C16orf78: variants seen among roughly 807,000 people sequenced by gnomAD.
C16orf78 encodes the protein uncharacterized protein C16orf78.
A neutral mutation model predicts 27.3 loss-of-function variants in C16orf78; 19 were observed. That is an observed-to-expected ratio of 0.70 (90% CI 0.49 to 1.02). C16orf78 has a LOEUF of 1.02. Ranked by LOEUF, C16orf78 falls within the 50% of genes least tolerant of loss-of-function variation. C16orf78 has a pLI of 0.00. For synonymous variants in C16orf78, 130 were observed against 116.1 expected (o/e 1.12, Z -0.77); for missense variants, 339 against 337.0 (o/e 1.01, Z -0.05).
At chr16:49,384,882 T>C (rs1965329240) in intron 3 of C16orf78, among the ~76,000 whole-genome samples, 1 of 151,948 alleles carries the variant, frequency 6.6e-6, no homozygotes, top group African/African-American at 2.4e-5. Context: ...CAGGAGAAAA[T>C]GGAATGAATA....
chr16:49,389,876 G>C (rs891983649), intron 3 of C16orf78, among the ~76,000 whole-genome samples: 1 of 152,182 alleles, frequency 6.6e-6, no homozygotes, highest in Non-Finnish European at 1.5e-5. Flanking sequence ...ATTGGATCCA[G>C]ATTTCTGTGT....
At chr16:49,393,238 A>T (rs1186132377) in intron 3 of C16orf78, among the ~76,000 whole-genome samples, 1 of 152,052 alleles carries the variant, frequency 6.6e-6, no homozygotes. Context: ...ATTTTAATAC[A>T]CCTCCTTCAG....
In C16orf78 at chr16:49,373,907, A is replaced by G. The variant is rs770234587; in HGVS notation, c.-33A>G. 6.2e-7 allele frequency: 1 copy of G among 1,612,244 alleles called. No individual in the cohort carries two copies. Among genetic ancestry groups the G allele is most frequent in the East Asian group, 2.2e-5 (1 of 44,848 alleles). On this transcript the variant is annotated 5_prime_UTR_variant, in exon 1 of 5. Coordinates refer to ENST00000299191, the MANE Select transcript of C16orf78 (RefSeq NM_144602.4). ...TCGAAAGAGTGAGACAGTGCCAGCC[A>G]CCTCCCACCCAAGCCACTAGCAAGA...
chr16:49,375,149 T>C (rs528881687), intron 1 of C16orf78, among the ~76,000 whole-genome samples: 29 of 152,018 alleles, frequency 1.9e-4, no homozygotes, highest in African/African-American at 7.0e-4. Flanking sequence ...ACAGAAGTAA[T>C]AAAGGGCAGA....
intron 3 of C16orf78, 128 bp downstream of exon 3, chr16:49,378,721 G>A: frequency 1.4e-6 from 2 of 1,393,826 alleles, no homozygotes; most frequent in Non-Finnish European, 1.9e-6. Flanking sequence ...TGTGCACACA[G>A]GAGTCAGAAG....
At position 49,377,805 on chromosome 16, in the gene C16orf78, G is replaced by A. The variant is rs530316153; in HGVS notation, c.225G>A (p.Met75Ile). 4 of 1,591,390 alleles carry A rather than the reference G, an allele frequency of 2.5e-6. No homozygotes were observed. The highest frequency in any genetic ancestry group is 2.7e-5 in the African/African-American group (2 of 74,820). ...AAGAGAAGAAAGGCAAAGGCCTCAT[G>A]ACAGCACGGGGAGGGAACCGCAGGG... ...KKEEKKGKGL[M>I]TARGGNRRDT... is the part of the protein sequence containing the mutation. The change falls in exon 2 of 5, where the codon ATG (methionine) becomes ATA (isoleucine). Residue 75 changes from methionine to isoleucine, a missense_variant. Coordinates refer to ENST00000299191, the MANE Select transcript of C16orf78 (RefSeq NM_144602.4).
intron 3 of C16orf78, among the ~76,000 whole-genome samples, chr16:49,394,005 C>T (rs1965443546): frequency 9.2e-5 from 14 of 151,986 alleles, no homozygotes; most frequent in Admixed American, 9.2e-4. Flanking sequence ...TATATATTAT[C>T]AAAATTGGTA....
At chr16:49,380,379 A>C (rs1178465645) in intron 3 of C16orf78, among the ~76,000 whole-genome samples, 1 of 152,228 alleles carries the variant, frequency 6.6e-6, no homozygotes, top group Non-Finnish European at 1.5e-5. Flanking sequence ...AGGTTTATTT[A>C]AAAAATAATC....
intron 3 of C16orf78, among the ~76,000 whole-genome samples, chr16:49,379,003 C>T (rs1473253908): frequency 6.6e-6 from 1 of 152,156 alleles, no homozygotes; most frequent in Admixed American, 6.5e-5. Context: ...GGTTGCTCAC[C>T]TCTAGGAAGG....
At position 49,383,242 on chromosome 16, in the gene C16orf78, G is replaced by A. The variant is rs976345122; in HGVS notation, c.394+4649G>A. On this transcript the variant is annotated intron_variant, in intron 3 of 4. Coordinates refer to ENST00000299191, the MANE Select transcript of C16orf78 (RefSeq NM_144602.4). ...AGGACCTAGTCAGGGCTGAGCCTGG[G>A]CACAGTAAGGAGAGCCTCTCATGTA... 2.0e-5 allele frequency among the ~76,000 whole-genome samples: 3 copies of A among 152,348 alleles called. No individual in the cohort carries two copies. In the South Asian group the frequency reaches 6.2e-4, roughly 32 times the overall value.
chr16:49,386,970 G>A (rs1343024982), intron 3 of C16orf78, among the ~76,000 whole-genome samples: 1 of 152,202 alleles, frequency 6.6e-6, no homozygotes, highest in African/African-American at 2.4e-5. Flanking sequence ...CTAGTCATGG[G>A]ATTGCTGGGT....
intron 2 of C16orf78, among the ~76,000 whole-genome samples, chr16:49,378,198 C>A (rs1965243996): frequency 2.0e-5 from 3 of 152,156 alleles, no homozygotes; most frequent in South Asian, 4.1e-4. Flanking sequence ...GCAGAACCAC[C>A]CAGACCTAAT....
At chr16:49,393,239 C>A (rs1053430578) in intron 3 of C16orf78, among the ~76,000 whole-genome samples, 1 of 152,154 alleles carries the variant, frequency 6.6e-6, no homozygotes, top group Non-Finnish European at 1.5e-5. Flanking sequence ...TTTTAATACA[C>A]CTCCTTCAGA....
rs1567389850 is a variant in C16orf78, at chr16:49,377,848, CAGGT to C, written c.270_270+3del. The C allele has an allele frequency of 2.5e-6, 4 of 1,568,950 alleles. No homozygotes were observed. ...CCGCAGGGACACGGAGACTTCCCAG[CAGGT>C]AATGCAGCCCCTCTTCCCCCACTCA... is the stretch of plus-strand genomic sequence containing the variant. On this transcript the variant is annotated splice_donor_variant and coding_sequence_variant, in exon 2 of 5. Transcript: ENST00000299191. LOFTEE classifies it high-confidence loss of function.
chr16:49,395,659 T>C (rs573860481), intron 3 of C16orf78, among the ~76,000 whole-genome samples: 2 of 152,356 alleles, frequency 1.3e-5, no homozygotes, highest in East Asian at 3.9e-4. Context: ...ATTTGTGCCT[T>C]CACACATTCT....
At position 49,373,928 on chromosome 16, in the gene C16orf78, C is replaced by T. The variant is rs1209257263; in HGVS notation, c.-12C>T. 3 of 1,613,956 alleles carry T rather than the reference C, an allele frequency of 1.9e-6. No individual in the cohort carries two copies. The East Asian group carries it at 6.7e-5, about 36-fold the overall frequency. On this transcript the variant is annotated 5_prime_UTR_variant, in exon 1 of 5. Transcript: ENST00000299191. ...AGCCACCTCCCACCCAAGCCACTAG[C>T]AAGACTCCACAATGTCAGAGCAACA...
intron 2 of C16orf78, 116 bp from the exon 3 acceptor site, chr16:49,378,354 G>T (rs1965246133): frequency 7.0e-7 from 1 of 1,438,188 alleles, no homozygotes; most frequent in East Asian, 2.5e-5. Flanking sequence ...TCTCTCCTTG[G>T]TTGCCTTTGC....
intron 4 of C16orf78, among the ~76,000 whole-genome samples, chr16:49,397,900 G>T (rs1965493727): frequency 6.6e-6 from 1 of 152,112 alleles, no homozygotes; most frequent in African/African-American, 2.4e-5. Context: ...TGAGTAGCTG[G>T]GATTATAGGC....
At chr16:49,389,425 C>CAA (rs34759541) in intron 3 of C16orf78, among the ~76,000 whole-genome samples, 1,995 of 141,074 alleles carry the variant, frequency 0.014, 44 homozygotes, top group African/African-American at 0.047. Flanking sequence ...GACTCCATCT[C>CAA]AAAAAAAAAA....
Sources: gnomAD v4.1 joint callset for allele counts (sites outside exome capture counted in the v4.1 genomes callset) on GRCh38, gnomAD v4.1.1 for gene constraint, MANE v1.5 for transcripts, NCBI Gene and HGNC (gene_info 2026-07-23, HGNC 2026-07-21) for gene names.